APBA1: variants seen among roughly 807,000 people sequenced by gnomAD.
APBA1 encodes the protein amyloid beta precursor protein binding family A member 1.
In APBA1, 55 loss-of-function variants were observed where a neutral mutation model predicts 86.6. The ratio of observed to expected loss-of-function variants is 0.64; its 90% confidence interval spans 0.51 to 0.80. The LOEUF is 0.80. Ranked by LOEUF, APBA1 falls within the 30% of genes least tolerant of loss-of-function variation. APBA1 has a pLI of 0.00. For synonymous variants in APBA1, 511 were observed against 493.9 expected (o/e 1.03, Z -0.46); for missense variants, 1,090 against 1,183.0 (o/e 0.92, Z 1.15).
intron 2 of APBA1, among the ~76,000 whole-genome samples, chr9:69,484,459 C>T (rs969808364): frequency 4.6e-5 from 7 of 152,142 alleles, no homozygotes; most frequent in African/African-American, 1.7e-4. Context: ...CTGCAGACCC[C>T]GGGTGCTCTT....
chr9:69,662,355 A>G (rs1355461030), intron 1 of APBA1, among the ~76,000 whole-genome samples: 1 of 152,218 alleles, frequency 6.6e-6, no homozygotes, highest in African/African-American at 2.4e-5. Context: ...ACTTAGCGCA[A>G]TGCCTGACAC....
intron 2 of APBA1, among the ~76,000 whole-genome samples, chr9:69,493,888 A>G (rs1334461673): frequency 2.0e-5 from 3 of 152,092 alleles, no homozygotes; most frequent in African/African-American, 7.2e-5. Context: ...TCTCACACCA[A>G]TGTACATTGT....
chr9:69,452,244 G>C lies in APBA1; in HGVS notation c.1846C>G (p.Leu616Val). ...TCGGGGTTAATCCCATTGGCCCTGA[G>C]GAATTCCTGGTATGCCACGCTAAAT... ...QAFSVAYQEF[L>V]RANGINPEDL... Residue 616 changes from leucine (L) to valine (V), a missense_variant, in exon 9 of 13, where the codon CTC becomes GTC. Coordinates refer to ENST00000265381, the MANE Select transcript of APBA1 (RefSeq NM_001163.4). The C allele has an allele frequency of 6.2e-7, 1 of 1,614,244 alleles. No homozygotes were observed. The highest frequency in any genetic ancestry group is 8.5e-7 in the Non-Finnish European group (1 of 1,180,054).
rs1834565516 is a variant in APBA1, at chr9:69,430,229, A to C, written c.*1098T>G. ...AGTTGGTCTTGCCTTGGGCCAGAAA[A>C]CAAGACGCAATTGCACCTGCAGCTT... On this transcript the variant is annotated 3_prime_UTR_variant, in exon 13 of 13. Transcript: ENST00000265381. 1 of 152,248 alleles carries C rather than the reference A, an allele frequency of 6.6e-6. No homozygotes were observed. The highest frequency in any genetic ancestry group is 2.4e-5 in the African/African-American group (1 of 41,450). 9.4% of individuals were successfully genotyped at this position (152,248 alleles called of 1,614,324 possible). A position where few individuals can be genotyped will look rare whatever the true frequency, so the allele number is the denominator to read the frequency against.
intron 1 of APBA1, among the ~76,000 whole-genome samples, chr9:69,524,591 A>AC (rs398010819): frequency 2.0e-5 from 3 of 151,790 alleles, no homozygotes; most frequent in Admixed American, 6.6e-5. Flanking sequence ...ACAAAAAAAA[A>AC]CAAAAACCTA....
chr9:69,445,539 C>T (rs375054103), intron 10 of APBA1, among the ~76,000 whole-genome samples: 1 of 152,114 alleles, frequency 6.6e-6, no homozygotes, highest in South Asian at 2.1e-4. Context: ...GTCTCTATAG[C>T]AACGGGAGAG....
At chr9:69,503,480 T>C (rs543003134) in intron 2 of APBA1, among the ~76,000 whole-genome samples, 1 of 152,232 alleles carries the variant, frequency 6.6e-6, no homozygotes, top group Admixed American at 6.5e-5. Context: ...TCATGTTACA[T>C]GCACCCTCAT....
chr9:69,451,471 C>G (rs1835007561), intron 9 of APBA1, among the ~76,000 whole-genome samples: 1 of 152,230 alleles, frequency 6.6e-6, no homozygotes, highest in African/African-American at 2.4e-5. Context: ...ACCCAGATCT[C>G]AGGCCCATCT....
chr9:69,432,825 T>C, intron 11 of APBA1, 149 bp from the exon 12 acceptor site: 2 of 803,518 alleles, frequency 2.5e-6, no homozygotes, highest in Non-Finnish European at 3.4e-6. Flanking sequence ...CTTAGTGTCT[T>C]TTCACAAAAA....
intron 1 of APBA1, among the ~76,000 whole-genome samples, chr9:69,555,774 G>A (rs558533763): frequency 6.6e-6 from 1 of 152,310 alleles, no homozygotes; most frequent in Admixed American, 6.5e-5. Flanking sequence ...TATTACTAGT[G>A]AGTGGAACAG....
Position 69,610,625 on chromosome 9 carries a change from C to CA in APBA1, c.-70+61527dup, listed in dbSNP as rs1196038287. On this transcript the variant is annotated intron_variant, in intron 1 of 12. Coordinates refer to ENST00000265381, the MANE Select transcript of APBA1 (RefSeq NM_001163.4). ...CTTTTTTCTGAACATCTCTTGAGAG[C>CA]AAAAAATAAACATTACAAATGGTGG... 2.0e-5 allele frequency among the ~76,000 whole-genome samples: 3 copies of CA among 151,948 alleles called. No homozygotes were observed. The East Asian group carries it at 5.8e-4, about 29-fold the overall frequency.
chr9:69,640,090 G>A (rs1823256329), intron 1 of APBA1, among the ~76,000 whole-genome samples: 1 of 152,016 alleles, frequency 6.6e-6, no homozygotes, highest in African/African-American at 2.4e-5. Flanking sequence ...ATTACTAAGG[G>A]AAAAGACAGA....
Position 69,516,920 on chromosome 9 carries a change from G to A in APBA1, c.291C>T (p.Ile97=), listed in dbSNP as rs868089767. 3 of 1,594,502 alleles carry A rather than the reference G, an allele frequency of 1.9e-6. No homozygotes were observed. The highest frequency in any genetic ancestry group is 2.5e-6 in the Non-Finnish European group (3 of 1,177,116). ...CATCGTAGCCGTCGCGGGCCGCGGC[G>A]ATCACGTCGCCCTCGGCGGTGTCCG... ...NHTDTAEGDV[I]AAARDGYDAE... is the part of the protein sequence containing the mutation. The change falls in exon 2 of 13, where the codon ATC becomes ATT. Residue 97 remains isoleucine (I), a synonymous_variant. Transcript: ENST00000265381. This position sits in a 1 kb window ranked among gnomAD's most constrained non-coding sequence, Gnocchi z 7.3.
At chr9:69,602,771 C>A (rs1042762111) in intron 1 of APBA1, among the ~76,000 whole-genome samples, 3 of 152,084 alleles carry the variant, frequency 2.0e-5, no homozygotes, top group Non-Finnish European at 4.4e-5. Context: ...ACAAAATAGG[C>A]TATGAGTCTC....
At chr9:69,534,115 C>T (rs983907492) in intron 1 of APBA1, among the ~76,000 whole-genome samples, 1 of 152,160 alleles carries the variant, frequency 6.6e-6, no homozygotes, top group Non-Finnish European at 1.5e-5. Flanking sequence ...AAATCTGATT[C>T]GTCCACCTTC....
chr9:69,527,958 T>C (rs939715721), intron 1 of APBA1, among the ~76,000 whole-genome samples: 3 of 152,166 alleles, frequency 2.0e-5, no homozygotes, highest in Non-Finnish European at 4.4e-5. Flanking sequence ...TGAACGCTTT[T>C]TGATGTTCTC....
chr9:69,491,607 A>C (rs1354133503), intron 2 of APBA1, among the ~76,000 whole-genome samples: 2 of 96,608 alleles, frequency 2.1e-5, no homozygotes, highest in African/African-American at 4.2e-5. Flanking sequence ...GTATTATTTA[A>C]AAAAAAAAAA....
chr9:69,571,576 C>T (rs990153777), intron 1 of APBA1, among the ~76,000 whole-genome samples: 2 of 152,028 alleles, frequency 1.3e-5, no homozygotes, highest in African/African-American at 2.4e-5. Context: ...ACAGTGGTTT[C>T]GGATGGTAGG....
At chr9:69,505,975 C>T (rs1379166270) in intron 2 of APBA1, among the ~76,000 whole-genome samples, 1 of 151,090 alleles carries the variant, frequency 6.6e-6, no homozygotes, top group East Asian at 1.9e-4. Flanking sequence ...GCCAAGATCG[C>T]ACCACTGCAC....
Sources: gnomAD v4.1 joint callset for allele counts (sites outside exome capture counted in the v4.1 genomes callset) on GRCh38, gnomAD v4.1.1 for gene constraint, Gnocchi (gnomAD v3.1) non-coding constraint, MANE v1.5 for transcripts, NCBI Gene and HGNC (gene_info 2026-07-23, HGNC 2026-07-21) for gene names.